MSI1: variants seen among roughly 807,000 people sequenced by gnomAD.
The protein encoded by MSI1 is RNA-binding protein Musashi homolog 1.
MSI1 carries 15 observed loss-of-function variants against 54.4 expected under a neutral mutation model. The ratio of observed to expected loss-of-function variants is 0.28; its 90% confidence interval spans 0.18 to 0.42. The LOEUF (loss-of-function observed/expected upper bound fraction) is 0.42, where lower values mean the gene tolerates loss of function less well. Ranked by LOEUF, MSI1 falls within the 20% of genes least tolerant of loss-of-function variation. MSI1 has a pLI of 1.00. For missense variants in MSI1, 304 were observed against 506.0 expected (o/e 0.60, Z 3.83); for synonymous variants, 200 against 196.5 (o/e 1.02, Z -0.15).
chr12:120,355,318 T>C (rs1045258898), intron 9 of MSI1, among the ~76,000 whole-genome samples: 1 of 146,254 alleles, frequency 6.8e-6, no homozygotes, highest in Non-Finnish European at 1.5e-5. Context: ...GGCAGGAGAA[T>C]GGCGTGAACC....
At position 120,347,462 on chromosome 12, in the gene MSI1, A is replaced by AGCCGCTGCC. The variant is rs753597947; in HGVS notation, c.834_842dup (p.Ala279_Ala281dup). The stretch of plus-strand genomic sequence containing the variant: ...AGAGCTCACCTGTCCCTCGAACCAC[A>AGCCGCTGCC]GCCGCTGCCGCCGCTGCCGCCGCCA... On this transcript the variant is annotated inframe_insertion, in exon 12 of 15. Coordinates refer to ENST00000257552, the MANE Select transcript of MSI1 (RefSeq NM_002442.4). 3.7e-6 allele frequency: 6 copies of AGCCGCTGCC among 1,614,036 alleles called. No individual in the cohort carries two copies. The highest frequency in any genetic ancestry group is 1.1e-5 in the South Asian group (1 of 91,088).
chr12:120,357,536 C>T (rs953464344), intron 8 of MSI1, among the ~76,000 whole-genome samples: 3 of 152,192 alleles, frequency 2.0e-5, no homozygotes, highest in Non-Finnish European at 4.4e-5. Flanking sequence ...GAGTCTCACT[C>T]ACTCTGTTGC....
At chr12:120,349,869 C>A (rs1312224694) in intron 11 of MSI1, among the ~76,000 whole-genome samples, 3 of 152,204 alleles carry the variant, frequency 2.0e-5, no homozygotes, top group African/African-American at 7.2e-5. Context: ...TCCATAAAGT[C>A]AGAGGAGCCA....
rs377467873 is a variant in MSI1, at chr12:120,356,885, C to A, written c.652+17G>T. 237 of 1,609,872 alleles carry A rather than the reference C, an allele frequency of 1.5e-4. 1 individual carries two copies. The African/African-American group carries it at 2.9e-3, about 20-fold the overall frequency. ...AGTTCTGGCAGAAAGAAGCCGCAGG[C>A]GCAGGCTCGCGCATACCCAGCATGC... is the stretch of plus-strand genomic sequence containing the variant. On this transcript the variant is annotated intron_variant, in intron 9 of 14. Transcript: ENST00000257552.
In MSI1 at chr12:120,343,067, G is replaced by A. The variant is rs1016281289; in HGVS notation, c.*60C>T. 1.3e-5 allele frequency: 2 copies of A among 152,286 alleles called. No homozygotes were observed. The highest frequency in any genetic ancestry group is 4.8e-5 in the African/African-American group (2 of 41,400). The allele number at this position is 152,286 out of a possible 1,614,324, so 9.4% of individuals were successfully genotyped here. ...GGCTGAGGTCTCCCGCCCCCTCGCTGGCTCACTCGTGGTCCTCAGTCAGCT... is the reference window on the plus strand; with the variant it reads ...GGCTGAGGTCTCCCGCCCCCTCGCTAGCTCACTCGTGGTCCTCAGTCAGCT... On this transcript the variant is annotated 3_prime_UTR_variant, in exon 15 of 15. Transcript: ENST00000257552.
At chr12:120,348,228 G>A (rs1030339276) in intron 11 of MSI1, among the ~76,000 whole-genome samples, 21 of 152,094 alleles carry the variant, frequency 1.4e-4, no homozygotes, top group African/African-American at 1.7e-4. Flanking sequence ...TGCCATCATC[G>A]CCACCTCTGC....
At position 120,355,187 on chromosome 12, in the gene MSI1, C is replaced by T. The variant is rs563651048; in HGVS notation, c.652+1715G>A. Among the ~76,000 whole-genome samples, 4 of 151,808 alleles carry T rather than the reference C, an allele frequency of 2.6e-5. No homozygotes were observed. In the South Asian group the frequency reaches 6.2e-4, roughly 24 times the overall value. ...TTGGGAGGCTGAGGCGGGCAGATCA[C>T]GAGGTCAGGAGATCAAGACCATCCT... On this transcript the variant is annotated intron_variant, in intron 9 of 14. Coordinates refer to ENST00000257552, the MANE Select transcript of MSI1 (RefSeq NM_002442.4).
rs750580231 is a variant in MSI1 at position 120,347,516 on chromosome 12, TGAAAG to T, written c.791-7_791-3del. On this transcript the variant is annotated splice_region_variant and splice_polypyrimidine_tract_variant and intron_variant, in intron 11 of 14. Transcript: ENST00000257552. ...GTCCGTAGGCAGTGAGAGGAATGGC[TGAAAG>T]GAAAGGGATGGGCACATCAGCATGG... The T allele has an allele frequency of 1.5e-5, 25 of 1,613,830 alleles. No individual in the cohort carries two copies. Among genetic ancestry groups the T allele is most frequent in the Non-Finnish European group, 1.7e-5 (20 of 1,180,018 alleles).
At chr12:120,360,103 A>G (rs1476355240) in intron 6 of MSI1, among the ~76,000 whole-genome samples, 1 of 152,178 alleles carries the variant, frequency 6.6e-6, no homozygotes, top group Non-Finnish European at 1.5e-5. Flanking sequence ...CTCCTGCCTC[A>G]GCCTCCTGAG....
intron 10 of MSI1, 122 bp downstream of exon 10, chr12:120,353,177 T>G: frequency 1.0e-6 from 1 of 956,832 alleles, no homozygotes; most frequent in Non-Finnish European, 1.6e-6. Flanking sequence ...AGACATGCCC[T>G]TCCTTCCAAG....
chr12:120,355,298 G>A (rs1370807929), intron 9 of MSI1, among the ~76,000 whole-genome samples: 3 of 151,278 alleles, frequency 2.0e-5, no homozygotes, highest in East Asian at 1.9e-4. Context: ...CCAGCTACTC[G>A]GGAGACTGAG....
chr12:120,347,906 T>C (rs2136908406), intron 11 of MSI1, among the ~76,000 whole-genome samples: 2 of 152,096 alleles, frequency 1.3e-5, no homozygotes, highest in Middle Eastern at 6.8e-3. Flanking sequence ...GGCCCAGAGG[T>C]GCCTGGGAGC....
chr12:120,354,016 TC>T (rs1474598791), intron 9 of MSI1, among the ~76,000 whole-genome samples: 1 of 152,166 alleles, frequency 6.6e-6, no homozygotes, highest in African/African-American at 2.4e-5. Flanking sequence ...AGGATCTTGC[TC>T]TTTTGCCCAG....
At chr12:120,352,423 G>A (rs1185959333) in intron 10 of MSI1, among the ~76,000 whole-genome samples, 1 of 152,062 alleles carries the variant, frequency 6.6e-6, no homozygotes, top group African/African-American at 2.4e-5. Context: ...AAAAGCGACG[G>A]CCCTAGAATA....
Position 120,368,299 on chromosome 12 carries a change from C to A in MSI1, c.101-26G>T. 2 of 1,544,828 alleles carry A rather than the reference C, an allele frequency of 1.3e-6. No homozygotes were observed. The highest frequency in any genetic ancestry group is 8.7e-7 in the Non-Finnish European group (1 of 1,146,050). ...CTGTAACCACACACCCGCCTTCGGA[C>A]CAGCCCGGGCCCCGCGCCCTTCCCC... On this transcript the variant is annotated intron_variant, in intron 2 of 14. Coordinates refer to ENST00000257552, the MANE Select transcript of MSI1 (RefSeq NM_002442.4). The surrounding 1 kb of genome is among the most constrained non-coding windows in gnomAD (Gnocchi z 6.6).
intron 14 of MSI1, among the ~76,000 whole-genome samples, chr12:120,343,729 T>C (rs1368319244): frequency 2.0e-5 from 3 of 152,234 alleles, no homozygotes. Context: ...GTCTTGTTCA[T>C]CCTCTTTCCT....
chr12:120,356,975 C>T lies in MSI1; in HGVS notation c.579G>A (p.Thr193=), dbSNP rs142127614. 1.7e-5 allele frequency: 27 copies of T among 1,614,148 alleles called. No individual in the cohort carries two copies. Among genetic ancestry groups the T allele is most frequent in the African/African-American group, 1.3e-4 (10 of 74,956 alleles). The change falls in exon 9 of 15, where the codon ACG becomes ACA. Residue 193 remains threonine (T), a synonymous_variant. Coordinates refer to ENST00000257552, the MANE Select transcript of MSI1 (RefSeq NM_002442.4). ...CTCGAGACCTCCCCCGGGCTGAGCCCGTTGGCGACATCACCTCCTTTGGCT... is the reference window on the plus strand; with the variant it reads ...CTCGAGACCTCCCCCGGGCTGAGCCTGTTGGCGACATCACCTCCTTTGGCT... The part of the protein sequence containing the change: ...KAQPKEVMSP[T]GSARGRSRVM...
At chr12:120,349,095 ATTT>A (rs11447122) in intron 11 of MSI1, among the ~76,000 whole-genome samples, 3 of 128,288 alleles carry the variant, frequency 2.3e-5, no homozygotes, top group African/African-American at 2.9e-5. Context: ...GTTTTACTTG[ATTT>A]TTTTTTTTTT....
In MSI1 at chr12:120,364,715, T is replaced by A; in HGVS notation, c.308A>T (p.Lys103Met). 2.5e-6 allele frequency: 4 copies of A among 1,600,266 alleles called. No individual in the cohort carries two copies. The highest frequency in any genetic ancestry group is 3.4e-6 in the Non-Finnish European group (4 of 1,173,650). The change falls in exon 5 of 15, where the codon AAG (lysine) becomes ATG (methionine). Residue 103 changes from lysine (K) to methionine (M), a missense_variant and splice_region_variant. Physicochemically the swap from Lys to Met is moderately conservative, Grantham distance 95. Around this residue, in one of 4 missense-constraint regions of MSI1, gnomAD observed 105 missense variants for 230.1 expected, o/e 0.46. Transcript: ENST00000257552. Reference protein sequence around the residue: ...KVAFPRRAQPKMVTRTKKIFV... With the variant: ...KVAFPRRAQPMMVTRTKKIFV... ...CCTCCCAGACATAGACACACCTACC[T>A]TGGGCTGTGCTCGCCGAGGGAAGGC...
Sources: allele counts gnomAD v4.1 joint callset (sites outside exome capture counted in the v4.1 genomes callset), GRCh38; gene constraint gnomAD v4.1.1; regional missense constraint gnomAD v4.1.1; non-coding constraint Gnocchi (gnomAD v3.1); transcripts MANE v1.5; gene names NCBI Gene and HGNC (gene_info 2026-07-23, HGNC 2026-07-21).